Variants in TENT5D observed in about 807,000 individuals in gnomAD.
TENT5D encodes the protein cancer/testis antigen 112.
For synonymous variants in TENT5D, 103 were observed against 100.6 expected (o/e 1.02, Z -0.15); for missense variants, 191 against 287.0 (o/e 0.67, Z 2.42).
chrX:80,398,675 C>G, intron 3 of TENT5D, among the ~76,000 whole-genome samples: 1 of 110,479 alleles, frequency 9.1e-6, no homozygotes, highest in South Asian at 3.8e-4. Context: ...TGTCCTTTCA[C>G]CAATTAATTT....
intron 3 of TENT5D, among the ~76,000 whole-genome samples, chrX:80,380,728 G>C (rs769144881): frequency 2.3e-4 from 26 of 111,120 alleles, no homozygotes; most frequent in African/African-American, 7.2e-4. Flanking sequence ...TTCTTTGTCT[G>C]TTTTGATCTT....
At chrX:80,341,076 T>G (rs1208868872) in intron 2 of TENT5D, among the ~76,000 whole-genome samples, 1 of 111,739 alleles carries the variant, frequency 8.9e-6, no homozygotes, top group Non-Finnish European at 1.9e-5. Flanking sequence ...TACTTTGAAG[T>G]CATTGTAAAA....
chrX:80,368,919 T>C (rs930274733), intron 3 of TENT5D, among the ~76,000 whole-genome samples: 1 of 111,833 alleles, frequency 8.9e-6, no homozygotes, highest in Non-Finnish European at 1.9e-5. Flanking sequence ...ACCTTTTTTT[T>C]CTTTAAAACA....
chrX:80,369,415 A>G (rs1930575415), intron 3 of TENT5D, among the ~76,000 whole-genome samples: 1 of 111,954 alleles, frequency 8.9e-6, no homozygotes, highest in South Asian at 3.7e-4. Context: ...GAATGTGTAA[A>G]ATAAAGGGAA....
chrX:80,445,104 GTA>G (rs1375045609), exon 3 of TENT5D: 1 of 122,304 alleles, frequency 8.2e-6, no homozygotes, highest in African/African-American at 3.3e-5. Flanking sequence ...TATCTTCACT[GTA>G]TTACAATATT....
At chrX:80,363,129 T>C (rs1930442969) in intron 3 of TENT5D, among the ~76,000 whole-genome samples, 1 of 111,956 alleles carries the variant, frequency 8.9e-6, no homozygotes. Context: ...AAGATTCTTA[T>C]TCAAAATTTA....
chrX:80,442,785 T>C (rs1175560862), exon 3 of TENT5D: 1 of 1,209,745 alleles, frequency 8.3e-7, no homozygotes, highest in African/African-American at 1.7e-5. Flanking sequence ...GCTATAAGGA[T>C]CTGGACGTTA....
intron 3 of TENT5D, among the ~76,000 whole-genome samples, chrX:80,413,848 G>A (rs943197984): frequency 1.8e-5 from 2 of 111,707 alleles, no homozygotes; most frequent in African/African-American, 6.5e-5. Context: ...CAAACCCAGT[G>A]GGAAAAAGAC....
At chrX:80,410,007 T>C (rs1315920189) in intron 3 of TENT5D, among the ~76,000 whole-genome samples, 1 of 108,199 alleles carries the variant, frequency 9.2e-6, no homozygotes, top group Non-Finnish European at 1.9e-5. Flanking sequence ...ATTCCCTATT[T>C]AATAAATGGT....
At chrX:80,399,161 G>C (rs760312122) in intron 3 of TENT5D, among the ~76,000 whole-genome samples, 6 of 111,517 alleles carry the variant, frequency 5.4e-5, no homozygotes, top group Admixed American at 2.9e-4. Flanking sequence ...TGAGCTTTGG[G>C]GATCAAATGT....
At chrX:80,389,402 CTG>C (rs1931085072) in intron 3 of TENT5D, among the ~76,000 whole-genome samples, 1 of 112,159 alleles carries the variant, frequency 8.9e-6, no homozygotes, top group Non-Finnish European at 1.9e-5. Flanking sequence ...ATATACAAGT[CTG>C]GAGTTCAGCG....
chrX:80,340,088 T>G (rs186796756), intron 2 of TENT5D, among the ~76,000 whole-genome samples: 1 of 111,085 alleles, frequency 9.0e-6, no homozygotes, highest in African/African-American at 3.3e-5. Context: ...TTACAGATAC[T>G]TTAGGGATAA....
At chrX:80,351,608 A>G (rs1240149529) in intron 3 of TENT5D, among the ~76,000 whole-genome samples, 1 of 109,967 alleles carries the variant, frequency 9.1e-6, no homozygotes, top group Non-Finnish European at 1.9e-5. Flanking sequence ...CCTTTAGCTC[A>G]AAGGGGTTTG....
chrX:80,360,964 G>C (rs1252458195), intron 3 of TENT5D, among the ~76,000 whole-genome samples: 1 of 111,494 alleles, frequency 9.0e-6, no homozygotes, highest in East Asian at 2.8e-4. Context: ...GCAAATTGAG[G>C]TTCATAGTGG....
At position 80,408,396 on chromosome X, in the gene TENT5D, T is replaced by TA. The variant is rs1475120122; in HGVS notation, c.-141-30208dup. ...AAAAAGAAGAATCAAATAGACACAA[T>TA]AAAAAATGATAAAGGGGATATCACC... On this transcript the variant is annotated intron_variant, in intron 3 of 4. Coordinates refer to the TENT5D transcript ENST00000538312. 1.7e-4 allele frequency among the ~76,000 whole-genome samples: 19 copies of TA among 110,187 alleles called. No individual in the cohort carries two copies. In the Admixed American group the frequency reaches 1.8e-3, roughly 11 times the overall value.
At chrX:80,355,198 G>A (rs1032851645) in intron 3 of TENT5D, among the ~76,000 whole-genome samples, 12 of 111,817 alleles carry the variant, frequency 1.1e-4, no homozygotes, top group Admixed American at 1.9e-4. Flanking sequence ...GTGGGGTTCC[G>A]CCTGCAAAAG....
chrX:80,397,827 G>A (rs887411051), intron 3 of TENT5D, among the ~76,000 whole-genome samples: 2 of 112,143 alleles, frequency 1.8e-5, no homozygotes, highest in Admixed American at 1.9e-4. Flanking sequence ...CACTCGGCAG[G>A]CTGAGGCAGG....
chrX:80,375,807 C>T (rs113314356), intron 3 of TENT5D, among the ~76,000 whole-genome samples: 1,581 of 111,379 alleles, frequency 0.014, 36 homozygotes, highest in African/African-American at 0.049. Context: ...AAGTATCTAG[C>T]CTACAGAGTT....
chrX:80,363,044 GTTACTAGT>G (rs1930441801), intron 3 of TENT5D, among the ~76,000 whole-genome samples: 1 of 111,532 alleles, frequency 9.0e-6, no homozygotes, highest in African/African-American at 3.2e-5. Context: ...TTTCTAAGCT[GTTACTAGT>G]TTAATAAAAG....
Sources: gnomAD v4.1 joint callset for allele counts (sites outside exome capture counted in the v4.1 genomes callset) on GRCh38, gnomAD v4.1.1 for gene constraint, MANE v1.5 for transcripts, NCBI Gene and HGNC (gene_info 2026-07-23, HGNC 2026-07-21) for gene names.